The following AOPEP variants were observed in gnomAD, a reference collection of about 807,000 sequenced individuals.
The protein encoded by AOPEP is aminopeptidase O (putative).
Under a neutral mutation model 98.1 loss-of-function variants are expected in AOPEP, and 77 were observed. That is an observed-to-expected ratio of 0.78 (90% CI 0.65 to 0.95). The LOEUF is 0.95. AOPEP is among the 40% of genes least tolerant of loss of function. The probability of loss-of-function intolerance (pLI) is 0.00; values close to 1 mark genes in which losing one functional copy is unlikely to be tolerated. For synonymous variants in AOPEP, 346 were observed against 365.3 expected (o/e 0.95, Z 0.60); for missense variants, 1,024 against 1,024.7 (o/e 1.00, Z 0.01).
intron 10 of AOPEP, among the ~76,000 whole-genome samples, chr9:94,969,502 G>A (rs1216510577): frequency 2.0e-5 from 3 of 151,680 alleles, no homozygotes; most frequent in Admixed American, 1.3e-4. Context: ...GCTCCACCTG[G>A]ATTCAAGCCA....
At chr9:95,056,856 T>C (rs563342025) in intron 13 of AOPEP, among the ~76,000 whole-genome samples, 14 of 152,350 alleles carry the variant, frequency 9.2e-5, no homozygotes, top group African/African-American at 3.4e-4. Context: ...TTTAGCATTT[T>C]ATTTCTTGTA....
At chr9:94,754,465 GTAAAAAGATGAGGCA>G (rs1836542496) in intron 1 of AOPEP, among the ~76,000 whole-genome samples, 1 of 152,146 alleles carries the variant, frequency 6.6e-6, no homozygotes, top group African/African-American at 2.4e-5. Context: ...TTGCTTACAA[GTAAAAAGATGAGGCA>G]TAAAAAGAGG....
At chr9:94,956,953 T>C (rs12684072) in intron 9 of AOPEP, among the ~76,000 whole-genome samples, 1 of 152,166 alleles carries the variant, frequency 6.6e-6, no homozygotes, top group South Asian at 2.1e-4. Context: ...ATTTTTGTAC[T>C]GGGTGTGGGG....
At chr9:94,905,752 A>G (rs2051050111) in intron 5 of AOPEP, among the ~76,000 whole-genome samples, 2 of 152,212 alleles carry the variant, frequency 1.3e-5, no homozygotes, top group South Asian at 2.1e-4. Flanking sequence ...CTAGAAAGCT[A>G]CAAACAATGA....
chr9:95,053,517 A>G (rs2133826104), intron 13 of AOPEP, among the ~76,000 whole-genome samples: 1 of 152,300 alleles, frequency 6.6e-6, no homozygotes, highest in South Asian at 2.1e-4. Context: ...GTTTTTTTAC[A>G]GTAAAGGTAT....
chr9:95,047,999 A>G (rs758282924), intron 13 of AOPEP, among the ~76,000 whole-genome samples: 5 of 152,242 alleles, frequency 3.3e-5, no homozygotes, highest in African/African-American at 4.8e-5. Context: ...TTTTATTCAC[A>G]TGATATAAGC....
At chr9:94,810,814 C>T (rs1258174893) in intron 5 of AOPEP, among the ~76,000 whole-genome samples, 1 of 152,208 alleles carries the variant, frequency 6.6e-6, no homozygotes. Flanking sequence ...AAGGGGGCCT[C>T]TTTAACCCTT....
At chr9:95,042,077 C>T (rs938785612) in intron 13 of AOPEP, among the ~76,000 whole-genome samples, 1 of 152,148 alleles carries the variant, frequency 6.6e-6, no homozygotes, top group Non-Finnish European at 1.5e-5. Flanking sequence ...CTTTGGGAGG[C>T]CGAGGCGGGC....
chr9:94,938,976 G>A (rs530504781), intron 7 of AOPEP, among the ~76,000 whole-genome samples: 12 of 152,236 alleles, frequency 7.9e-5, no homozygotes, highest in Admixed American at 3.9e-4. Context: ...TAGGCCGGGC[G>A]CGGTGGCTCA....
At position 94,972,318 on chromosome 9, in the gene AOPEP, C is replaced by T. The variant is rs571507887; in HGVS notation, c.1916+4517C>T. ...AATGGGGCAGAGGGAGTGAAAGGGACGAGCGTTGGAAGGCAGAAAGATGCT... is the reference window on the plus strand; with the variant it reads ...AATGGGGCAGAGGGAGTGAAAGGGATGAGCGTTGGAAGGCAGAAAGATGCT... On this transcript the variant is annotated intron_variant, in intron 10 of 16. Coordinates refer to ENST00000375315, the MANE Select transcript of AOPEP (RefSeq NM_001193329.3). This position sits in a 1 kb window ranked among gnomAD's most constrained non-coding sequence, Gnocchi z 4.2. Among the ~76,000 whole-genome samples, 8 of 152,074 alleles carry T rather than the reference C, an allele frequency of 5.3e-5. No homozygotes were observed. Among genetic ancestry groups the T allele is most frequent in the South Asian group, 4.2e-4 (2 of 4,810 alleles).
chr9:95,125,014 C>T, the AOPEP span: 5 of 1,311,548 alleles, frequency 3.8e-6, no homozygotes, highest in African/African-American at 7.2e-5. Flanking sequence ...AAATAAAGTG[C>T]TCTTGTCCAA....
intron 7 of AOPEP, among the ~76,000 whole-genome samples, chr9:94,943,936 A>AC (rs201211854): frequency 4.8e-5 from 7 of 145,474 alleles, no homozygotes; most frequent in African/African-American, 1.9e-4. Flanking sequence ...AAAAAAAAAA[A>AC]AAAAAAAAAA....
chr9:95,032,723 T>C (rs978282571), intron 13 of AOPEP, among the ~76,000 whole-genome samples: 5 of 152,228 alleles, frequency 3.3e-5, no homozygotes, highest in Non-Finnish European at 4.4e-5. Context: ...AATAAATAAT[T>C]GGCACCCAAA....
At position 95,055,495 on chromosome 9, in the gene AOPEP, G is replaced by A. The variant is rs75548372; in HGVS notation, c.2116-5199G>A. Among the ~76,000 whole-genome samples, 612 of 152,338 alleles carry A rather than the reference G, an allele frequency of 4.0e-3. 2 individuals carry two copies. Among genetic ancestry groups the A allele is most frequent in the African/African-American group, 9.2e-3 (383 of 41,576 alleles). On this transcript the variant is annotated intron_variant, in intron 13 of 16. Transcript: ENST00000375315. ...ACTGTGTTTTATTTGGTTCAGAGCCGAGTCTGGAAGATGACTTAGTTTATA... is the reference window on the plus strand; with the variant it reads ...ACTGTGTTTTATTTGGTTCAGAGCCAAGTCTGGAAGATGACTTAGTTTATA...
intron 7 of AOPEP, chr9:94,933,365 GT>G: frequency 1.0e-6 from 1 of 985,388 alleles, no homozygotes; most frequent in Non-Finnish European, 1.2e-6. Flanking sequence ...GAAATCTGTT[GT>G]TTTTTTATTG....
chr9:94,748,197 G>T (rs893635934), intron 1 of AOPEP, among the ~76,000 whole-genome samples: 1 of 152,062 alleles, frequency 6.6e-6, no homozygotes, highest in Non-Finnish European at 1.5e-5. Context: ...GGCCTTCATT[G>T]TTTCTCTGAG....
At chr9:95,129,365 G>T in the AOPEP span, among the ~76,000 whole-genome samples, 16 of 152,280 alleles carry the variant, frequency 1.1e-4, no homozygotes, top group Non-Finnish European at 7.4e-5. Flanking sequence ...TTCTTATCAA[G>T]ATAATCTTCC....
At chr9:95,072,257 G>A (rs1428318294) in intron 14 of AOPEP, among the ~76,000 whole-genome samples, 2 of 152,180 alleles carry the variant, frequency 1.3e-5, no homozygotes, top group Non-Finnish European at 2.9e-5. Context: ...AGGCTGCTTT[G>A]ACCAAAAGGC....
intron 2 of AOPEP, among the ~76,000 whole-genome samples, chr9:94,766,493 C>A (rs940533453): frequency 6.6e-6 from 1 of 152,120 alleles, no homozygotes; most frequent in Non-Finnish European, 1.5e-5. Context: ...GCTGAGATCG[C>A]GCCACTGCAC....
Sources: gnomAD v4.1 joint callset for allele counts (sites outside exome capture counted in the v4.1 genomes callset) on GRCh38, gnomAD v4.1.1 for gene constraint, Gnocchi (gnomAD v3.1) non-coding constraint, MANE v1.5 for transcripts, NCBI Gene and HGNC (gene_info 2026-07-23, HGNC 2026-07-21) for gene names.